The following FABP12 variants were observed in gnomAD, a reference collection of about 807,000 sequenced individuals.
FABP12 encodes fatty acid binding protein 12.
FABP12 carries 19 observed loss-of-function variants against 13.7 expected under a neutral mutation model. The ratio of observed to expected loss-of-function variants is 1.39; its 90% CI spans 0.97 to 2.04. The LOEUF (loss-of-function observed/expected upper bound fraction) is 2.04. Ranked by LOEUF, FABP12 falls within the 30% of genes most tolerant of loss-of-function variation. The pLI is 0.00. For missense variants in FABP12, 182 were observed against 164.2 expected (o/e 1.11, Z -0.59); for synonymous variants, 61 against 57.0 (o/e 1.07, Z -0.32).
At chr8:81,562,837 CG>C (rs1187202060) in intron 1 of FABP12, among the ~76,000 whole-genome samples, 1 of 152,168 alleles carries the variant, frequency 6.6e-6, no homozygotes, top group Non-Finnish European at 1.5e-5. Context: ...GCACAGGATC[CG>C]GGGGAACTTA....
intron 1 of FABP12, among the ~76,000 whole-genome samples, chr8:81,586,893 C>G (rs1405164261): frequency 6.6e-6 from 1 of 152,088 alleles, no homozygotes; most frequent in East Asian, 1.9e-4. Flanking sequence ...ATAGTATTTC[C>G]TACGTTTCCT....
chr8:81,554,342 T>G (rs978005870), intron 1 of FABP12, among the ~76,000 whole-genome samples: 3 of 152,156 alleles, frequency 2.0e-5, no homozygotes, highest in African/African-American at 7.2e-5. Flanking sequence ...TAAACCTATT[T>G]CAATCCCCTC....
intron 1 of FABP12, among the ~76,000 whole-genome samples, chr8:81,532,736 A>C (rs910807332): frequency 1.3e-5 from 2 of 152,194 alleles, no homozygotes; most frequent in Non-Finnish European, 2.9e-5. Flanking sequence ...CAGAAGAATC[A>C]CTTGAACCCA....
At chr8:81,564,747 TA>T in intron 1 of FABP12, among the ~76,000 whole-genome samples, 1 of 151,946 alleles carries the variant, frequency 6.6e-6, no homozygotes, top group East Asian at 1.9e-4. Context: ...TCACCTTCAC[TA>T]AAAGGAAGAC....
chr8:81,529,685 T>A, intron 2 of FABP12, 75 bp from the exon 3 acceptor site: 1 of 1,325,654 alleles, frequency 7.5e-7, no homozygotes, highest in Non-Finnish European at 1.0e-6. Flanking sequence ...ATACAATACT[T>A]AAATCTGTTG....
chr8:81,569,027 A>G (rs1463751606), intron 1 of FABP12, among the ~76,000 whole-genome samples: 1 of 152,146 alleles, frequency 6.6e-6, no homozygotes, highest in African/African-American at 2.4e-5. Flanking sequence ...AATTAGATAG[A>G]ATGAATAAGA....
intron 1 of FABP12, among the ~76,000 whole-genome samples, chr8:81,563,349 T>A (rs534572701): frequency 1.3e-5 from 2 of 152,268 alleles, no homozygotes; most frequent in Admixed American, 1.3e-4. Context: ...GCAAAGACTA[T>A]AATAAATACC....
chr8:81,578,856 G>A (rs566998837), intron 1 of FABP12, among the ~76,000 whole-genome samples: 1 of 102,140 alleles, frequency 9.8e-6, no homozygotes, highest in Non-Finnish European at 1.8e-5. Context: ...AAGGAGTCTC[G>A]CTCTGTCACC....
chr8:81,575,831 C>T (rs568029865), intron 1 of FABP12, among the ~76,000 whole-genome samples: 1 of 152,116 alleles, frequency 6.6e-6, no homozygotes, highest in South Asian at 2.1e-4. Flanking sequence ...GGAGCCTGAA[C>T]CCTACTGTGA....
chr8:81,584,947 T>C (rs1275368557), intron 1 of FABP12, among the ~76,000 whole-genome samples: 3 of 152,238 alleles, frequency 2.0e-5, no homozygotes, highest in Non-Finnish European at 2.9e-5. Context: ...GTTTGTCTTC[T>C]TTTGAGAAAT....
chr8:81,538,423 A>C (rs559959797), upstream of FABP12, among the ~76,000 whole-genome samples: 44 of 152,374 alleles, frequency 2.9e-4, no homozygotes, highest in Non-Finnish European at 5.0e-4. Context: ...GGATCTTTGC[A>C]GATACTAATT....
At chr8:81,531,906 GA>G (rs373914253) in intron 1 of FABP12, among the ~76,000 whole-genome samples, 1 of 151,504 alleles carries the variant, frequency 6.6e-6, no homozygotes, top group Non-Finnish European at 1.5e-5. Context: ...ATGGGACAGA[GA>G]AAAAAGAAAG....
intron 1 of FABP12, among the ~76,000 whole-genome samples, chr8:81,580,894 A>G (rs1054669954): frequency 3.3e-5 from 5 of 152,158 alleles, no homozygotes; most frequent in Non-Finnish European, 5.9e-5. Context: ...AATAAATTCA[A>G]TTTTATTCTT....
intron 1 of FABP12, among the ~76,000 whole-genome samples, chr8:81,532,152 AAGGAATATAAC>A (rs1291865731): frequency 6.6e-6 from 1 of 152,234 alleles, no homozygotes; most frequent in Non-Finnish European, 1.5e-5. Context: ...AACAGGGGTC[AAGGAATATAAC>A]AGCAAATCCA....
upstream of FABP12, among the ~76,000 whole-genome samples, chr8:81,534,359 C>T (rs978718283): frequency 2.0e-5 from 3 of 152,116 alleles, no homozygotes; most frequent in Non-Finnish European, 2.9e-5. Context: ...CACCATAAGC[C>T]AAAGAGTCCC....
intron 2 of FABP12, among the ~76,000 whole-genome samples, chr8:81,530,014 G>T (rs984757815): frequency 2.0e-5 from 3 of 152,096 alleles, no homozygotes; most frequent in Admixed American, 6.5e-5. Flanking sequence ...TATGGATTTT[G>T]CCAGATATTT....
At chr8:81,532,010 C>T (rs1458832008) in intron 1 of FABP12, among the ~76,000 whole-genome samples, 18 of 152,032 alleles carry the variant, frequency 1.2e-4, no homozygotes, top group Admixed American at 1.2e-3. Context: ...GCTCAACTTC[C>T]CAACGGTTTA....
intron 1 of FABP12, among the ~76,000 whole-genome samples, chr8:81,540,288 T>C (rs1809314985): frequency 6.6e-6 from 1 of 152,202 alleles, no homozygotes; most frequent in African/African-American, 2.4e-5. Flanking sequence ...ATGAGAACCA[T>C]TGACCACACT....
At chr8:81,538,206 A>G (rs368310397), upstream of FABP12, among the ~76,000 whole-genome samples, 7 of 152,246 alleles carry the variant, frequency 4.6e-5, no homozygotes, top group East Asian at 1.4e-3. Context: ...CAAGCCATTC[A>G]TGGAGGATCT....
Sources: gnomAD v4.1 joint callset for allele counts (sites outside exome capture counted in the v4.1 genomes callset) on GRCh38, gnomAD v4.1.1 for gene constraint, MANE v1.5 for transcripts, NCBI Gene and HGNC (gene_info 2026-07-23, HGNC 2026-07-21) for gene names.